Variants in KDM6A observed in about 807,000 individuals in gnomAD.
KDM6A encodes lysine-specific demethylase 6A.
Under a neutral mutation model 117.6 loss-of-function variants are expected in KDM6A, and 11 were observed. The observed-to-expected ratio is 0.09, with a 90% CI of 0.06 to 0.15. KDM6A has a LOEUF of 0.15. Ranked by LOEUF, KDM6A falls within the 10% of genes least tolerant of loss-of-function variation. KDM6A has a pLI of 1.00. For missense variants in KDM6A, 799 were observed against 1,077.3 expected, an observed-to-expected ratio of 0.74 and a Z score of 3.62; for synonymous variants, 384 against 396.1, an observed-to-expected ratio of 0.97 and a Z score of 0.36.
intron 3 of KDM6A, among the ~76,000 whole-genome samples, chrX:44,962,527 C>T (rs1201868121): frequency 2.7e-5 from 3 of 111,369 alleles, no homozygotes; most frequent in East Asian, 2.8e-4. Context: ...CTTAATACTC[C>T]GTTAGATATT....
intron 8 of KDM6A, among the ~76,000 whole-genome samples, chrX:45,040,982 CGGCCGGGCGGGG>C (rs1159735059): frequency 4.1e-4 from 17 of 41,241 alleles, no homozygotes; most frequent in Non-Finnish European, 7.4e-4. Flanking sequence ...ACGGGGCGGC[CGGCCGGGCGGGG>C]GGCTGACCCC....
rs773914977 is a variant in KDM6A at position 45,078,400 on chromosome X, T to C, written c.2989T>C (p.Leu997=). Residue 997 remains leucine, a splice_region_variant and synonymous_variant, in exon 20 of 30, where the codon TTG becomes CTG. Transcript: ENST00000611820. ...CTAACCACATATTTTAATTTTACAGTTGGAAAATAAACGTGATGCTTTCTT... is the reference window on the plus strand; with the variant it reads ...CTAACCACATATTTTAATTTTACAGCTGGAAAATAAACGTGATGCTTTCTT... ...KLNPPTPSIY[L]ENKRDAFFPP... 4 of 1,204,699 alleles carry C rather than the reference T, an allele frequency of 3.3e-6. No individual in the cohort carries two copies. The African/African-American group carries it at 7.0e-5, about 21-fold the overall frequency.
At chrX:45,062,908 G>T (rs957944367) in intron 16 of KDM6A, among the ~76,000 whole-genome samples, 160 bp downstream of exon 16, 1 of 112,023 alleles carries the variant, frequency 8.9e-6, no homozygotes, top group Non-Finnish European at 1.9e-5. Flanking sequence ...AATTGACGGA[G>T]ATTTTTAGAC....
At chrX:45,005,971 C>CCCCCCA in intron 4 of KDM6A, among the ~76,000 whole-genome samples, 1 of 56,546 alleles carries the variant, frequency 1.8e-5, no homozygotes, top group East Asian at 7.0e-4. Flanking sequence ...ACCCCCCCAC[C>CCCCCCA]CCCCCCACCC....
intron 4 of KDM6A, among the ~76,000 whole-genome samples, chrX:45,001,844 C>T (rs1047684275): frequency 3.6e-5 from 4 of 110,909 alleles, no homozygotes; most frequent in Non-Finnish European, 5.7e-5. Context: ...CAGCAGTCTC[C>T]GTAGTTAGCA....
At chrX:44,882,947 T>C (rs1478504321) in intron 2 of KDM6A, among the ~76,000 whole-genome samples, 2 of 111,871 alleles carry the variant, frequency 1.8e-5, no homozygotes, top group African/African-American at 3.3e-5. Flanking sequence ...TCTGAAATGA[T>C]GGAGTAATTA....
intron 26 of KDM6A, among the ~76,000 whole-genome samples, chrX:45,090,441 G>A (rs1303622744): frequency 9.0e-6 from 1 of 111,580 alleles, no homozygotes; most frequent in African/African-American, 3.3e-5. Context: ...TTTTTCATCT[G>A]TATAATGGAA....
rs368984079 is a variant in KDM6A, at chrX:45,062,736, G to C, written c.1671G>C (p.Met557Ile). 3.0e-4 allele frequency: 351 copies of C among 1,168,334 alleles called. No individual in the cohort carries two copies. Among genetic ancestry groups the C allele is most frequent in the Non-Finnish European group, 4.0e-4 (347 of 857,254 alleles). Residue 557 changes from methionine (M) to isoleucine (I), a missense_variant, in exon 16 of 30, where the codon ATG becomes ATC. Met to Ile is a conservative substitution (Grantham distance 10). This residue lies in a region of KDM6A where 301 missense variants were observed against 318.3 expected (regional missense o/e 0.95). Transcript: ENST00000611820. ...AGCTGGAAAGTCAGTTTGTCTTAAT[G>C]CAACAACACCAAGTGTGTATAGCAT... ...LEQLESQFVL[M>I]QQHQMRPTGV...
rs191394751 is a variant in KDM6A at position 44,973,836 on chromosome X, C to T, written c.335-830C>T. Among the ~76,000 whole-genome samples, 578 of 110,631 alleles carry T rather than the reference C, an allele frequency of 5.2e-3. 9 individuals are homozygous for T. Among genetic ancestry groups the T allele is most frequent in the African/African-American group, 0.016 (481 of 30,431 alleles). ...TTATTGAATTATTTATTTCTGCTAT[C>T]GTACTTTAATCTACCGAATTTAATT... On this transcript the variant is annotated intron_variant, in intron 3 of 29. Transcript: ENST00000611820.
At chrX:45,106,816 C>T (rs1021091023) in intron 27 of KDM6A, 7 of 236,243 alleles carry the variant, frequency 3.0e-5, no homozygotes, top group Non-Finnish European at 5.5e-5. Context: ...TCCACTGTTA[C>T]CTTCAAGATA....
chrX:44,960,936 T>C (rs776945291), intron 2 of KDM6A, among the ~76,000 whole-genome samples: 8 of 112,134 alleles, frequency 7.1e-5, no homozygotes, highest in Admixed American at 3.8e-4. Context: ...ATATTATTTA[T>C]ATTTGAGAGC....
intron 6 of KDM6A, among the ~76,000 whole-genome samples, chrX:45,026,831 C>CA (rs779434779): frequency 0.18 from 7,848 of 42,448 alleles, 657 homozygotes; most frequent in African/African-American, 0.35. Flanking sequence ...AACTCCATCT[C>CA]AAAAAAAAAA....
chrX:44,981,913 A>G lies in KDM6A; in HGVS notation c.384+7198A>G, dbSNP rs750509698. ...AGCCTGGCCAACATGGTGAAACCTC[A>G]TCTCCGCTAAAAATACAAAAATTAG... On this transcript the variant is annotated intron_variant, in intron 4 of 29. Coordinates refer to ENST00000611820, the MANE Select transcript of KDM6A (RefSeq NM_001291415.2). 3.6e-5 allele frequency among the ~76,000 whole-genome samples: 4 copies of G among 111,551 alleles called. No individual in the cohort carries two copies. The South Asian group carries it at 1.5e-3, about 42-fold the overall frequency.
intron 3 of KDM6A, among the ~76,000 whole-genome samples, chrX:44,968,372 A>T (rs1026091527): frequency 8.9e-6 from 1 of 112,416 alleles, no homozygotes; most frequent in Non-Finnish European, 1.9e-5. Context: ...TACAGTGTCT[A>T]CTATACCTCC....
chrX:45,077,995 A>G (rs775864812), intron 19 of KDM6A, among the ~76,000 whole-genome samples: 2 of 112,045 alleles, frequency 1.8e-5, no homozygotes, highest in Non-Finnish European at 3.8e-5. Context: ...ACTATTCTAG[A>G]TACCTCATGT....
intron 3 of KDM6A, among the ~76,000 whole-genome samples, chrX:44,969,829 A>C (rs1436769014): frequency 8.9e-6 from 1 of 112,352 alleles, no homozygotes; most frequent in Non-Finnish European, 1.9e-5. Flanking sequence ...CTTCTCCAAA[A>C]TTGTCAATTT....
chrX:45,061,285 A>G (rs1476532351), intron 14 of KDM6A, 39 bp from the exon 15 acceptor site: 2 of 835,938 alleles, frequency 2.4e-6, no homozygotes, highest in Non-Finnish European at 3.5e-6. Flanking sequence ...GATTTAACCA[A>G]ATATTCTTTA....
At chrX:44,897,941 A>G (rs2034026472) in intron 2 of KDM6A, among the ~76,000 whole-genome samples, 1 of 111,361 alleles carries the variant, frequency 9.0e-6, no homozygotes, top group Non-Finnish European at 1.9e-5. Flanking sequence ...GTGTTCATTC[A>G]GCTTCTTGCT....
At chrX:44,919,388 A>G (rs2035760753) in intron 2 of KDM6A, among the ~76,000 whole-genome samples, 1 of 110,595 alleles carries the variant, frequency 9.0e-6, no homozygotes, top group African/African-American at 3.3e-5. Flanking sequence ...CTCTACTGGT[A>G]TAGGTCTGAT....
Sources: gnomAD v4.1 joint callset for allele counts (sites outside exome capture counted in the v4.1 genomes callset) on GRCh38, gnomAD v4.1.1 for gene constraint, gnomAD v4.1.1 regional missense constraint, MANE v1.5 for transcripts, NCBI Gene and HGNC (gene_info 2026-07-23, HGNC 2026-07-21) for gene names.